Variants in TMEM132D observed in about 807,000 individuals in gnomAD.
The protein encoded by TMEM132D is mature OL transmembrane protein.
TMEM132D carries 21 observed loss-of-function variants against 62.3 expected under a neutral mutation model. That is an observed-to-expected ratio of 0.34 (90% confidence interval 0.24 to 0.49). The LOEUF (loss-of-function observed/expected upper bound fraction) is 0.49, where lower values mean the gene tolerates loss of function less well. Ranked by LOEUF, TMEM132D falls within the 20% of genes least tolerant of loss-of-function variation. TMEM132D has a pLI of 0.99. For synonymous variants in TMEM132D, 621 were observed against 575.6 expected, an observed-to-expected ratio of 1.08 and a Z score of -1.13; for missense variants, 1,346 against 1,402.8, an observed-to-expected ratio of 0.96 and a Z score of 0.65.
rs1876204855 is a variant in TMEM132D at position 129,531,074 on chromosome 12, G to A, written c.1100C>T (p.Ala367Val). Residue 367 changes from alanine (A) to valine (V), a missense_variant, in exon 3 of 9, where the codon GCT becomes GTT. Physicochemically the swap from Ala to Val is moderately conservative, Grantham distance 64. Coordinates refer to ENST00000422113, the MANE Select transcript of TMEM132D (RefSeq NM_133448.3). ...PAVIVCQKKA[A>V]GSENSADGAS... ...TGGGACTCACCTGTTTTCTGAGCCAGCTGCTTTCTTCTGACAAACGATGAC... is the reference window on the plus strand; with the variant it reads ...TGGGACTCACCTGTTTTCTGAGCCAACTGCTTTCTTCTGACAAACGATGAC... The A allele has an allele frequency of 6.2e-7, 1 of 1,612,738 alleles. No homozygotes were observed. The highest frequency in any genetic ancestry group is 8.5e-7 in the Non-Finnish European group (1 of 1,179,122).
chr12:129,901,284 G>T (rs1875343810), intron 1 of TMEM132D, among the ~76,000 whole-genome samples: 1 of 152,170 alleles, frequency 6.6e-6, no homozygotes, highest in Non-Finnish European at 1.5e-5. Context: ...AGAGGGAGGT[G>T]ATATGAACAC....
At chr12:129,101,719 A>AT (rs1199739281) in intron 5 of TMEM132D, among the ~76,000 whole-genome samples, 1 of 151,950 alleles carries the variant, frequency 6.6e-6, no homozygotes, top group East Asian at 1.9e-4. Flanking sequence ...GCTGTTTTTT[A>AT]TTTTTTCTAC....
intron 3 of TMEM132D, among the ~76,000 whole-genome samples, chr12:129,466,613 C>A (rs563331293): frequency 7.3e-4 from 111 of 152,266 alleles, no homozygotes; most frequent in African/African-American, 2.6e-3. Context: ...TTAGCTCATT[C>A]ACTTAACACA....
chr12:129,887,797 T>C (rs1566020080), intron 1 of TMEM132D, among the ~76,000 whole-genome samples: 1 of 152,218 alleles, frequency 6.6e-6, no homozygotes, highest in Non-Finnish European at 1.5e-5. Flanking sequence ...ATCATTGTCC[T>C]CATTGTCTTA....
At chr12:129,267,382 C>T (rs1392625151) in intron 4 of TMEM132D, among the ~76,000 whole-genome samples, 1 of 151,948 alleles carries the variant, frequency 6.6e-6, no homozygotes, top group East Asian at 1.9e-4. Context: ...CATTCTCACA[C>T]ACCAATAACA....
chr12:129,903,444 G>A lies in TMEM132D; in HGVS notation c.-105C>T. On this transcript the variant is annotated 5_prime_UTR_variant, in exon 1 of 9. Transcript: ENST00000422113. This position sits in a 1 kb window ranked among gnomAD's most constrained non-coding sequence, Gnocchi z 6.2. ...CCGCAGCGGGGCCGGTGGCGAGGGA[G>A]CGCCCGGCTAGGGGCCCGAGCAGCC... 2 of 1,275,194 alleles carry A rather than the reference G, an allele frequency of 1.6e-6. No individual in the cohort carries two copies. The highest frequency in any genetic ancestry group is 2.2e-6 in the Non-Finnish European group (2 of 909,548). The allele number at this position is 1,275,194 out of a possible 1,614,324, so 79.0% of individuals were successfully genotyped here.
rs1302635531 is a variant in TMEM132D at position 129,661,502 on chromosome 12, A to G, written c.968+38308T>C. On this transcript the variant is annotated intron_variant, in intron 2 of 8. Coordinates refer to ENST00000422113, the MANE Select transcript of TMEM132D (RefSeq NM_133448.3). ...CTATTAGTCCCTGCAGCCCCATCAG[A>G]AAGGAAAGTGGACCTCCATGTTATT... 2.6e-5 allele frequency among the ~76,000 whole-genome samples: 4 copies of G among 152,332 alleles called. No individual in the cohort carries two copies. In the East Asian group the frequency reaches 7.7e-4, roughly 29 times the overall value.
At chr12:129,807,569 T>C (rs374624057) in intron 1 of TMEM132D, among the ~76,000 whole-genome samples, 2 of 152,254 alleles carry the variant, frequency 1.3e-5, no homozygotes, top group East Asian at 1.9e-4. Flanking sequence ...AAACTGCTTA[T>C]ATTTGGCACT....
chr12:129,695,451 C>A (rs770703095), intron 2 of TMEM132D, among the ~76,000 whole-genome samples: 1 of 152,212 alleles, frequency 6.6e-6, no homozygotes, highest in Non-Finnish European at 1.5e-5. Flanking sequence ...GTCCGCCTCT[C>A]ACTCTTCTAT....
chr12:129,297,948 GTT>G (rs1444886345), intron 4 of TMEM132D, among the ~76,000 whole-genome samples: 2 of 152,132 alleles, frequency 1.3e-5, no homozygotes, highest in African/African-American at 4.8e-5. Flanking sequence ...GTAATTAAAT[GTT>G]TTTTAGGAAG....
Position 129,084,026 on chromosome 12 carries a change from C to A in TMEM132D, c.1649+471G>T, listed in dbSNP as rs74534218. Among the ~76,000 whole-genome samples the A allele has an allele frequency of 3.6e-3, 547 of 152,268 alleles. 3 individuals carry two copies. The highest frequency in any genetic ancestry group is 0.012 in the African/African-American group (515 of 41,554). Reference sequence around the variant, plus strand: ...AGGTCAGGTTGACCCTGTCAGATGTCCTTCCAGGGAACATCTGCTGCCTCC... The same window carrying A: ...AGGTCAGGTTGACCCTGTCAGATGTACTTCCAGGGAACATCTGCTGCCTCC... On this transcript the variant is annotated intron_variant, in intron 6 of 8. Coordinates refer to ENST00000422113, the MANE Select transcript of TMEM132D (RefSeq NM_133448.3).
chr12:129,589,664 G>A (rs1372098305), intron 2 of TMEM132D, among the ~76,000 whole-genome samples: 2 of 152,124 alleles, frequency 1.3e-5, no homozygotes, highest in Admixed American at 1.3e-4. Flanking sequence ...ATCTCCTTTG[G>A]TTGGCTGCTT....
At chr12:129,796,767 A>C (rs1871574445) in intron 1 of TMEM132D, among the ~76,000 whole-genome samples, 1 of 152,158 alleles carries the variant, frequency 6.6e-6, no homozygotes, top group Admixed American at 6.5e-5. Flanking sequence ...ATTAGGAGAA[A>C]TACCTGATGT....
chr12:129,414,969 G>A (rs1252298932), intron 3 of TMEM132D, among the ~76,000 whole-genome samples: 1 of 152,102 alleles, frequency 6.6e-6, no homozygotes, highest in East Asian at 1.9e-4. Context: ...TGTGCTCTAG[G>A]TTCATCCATG....
intron 5 of TMEM132D, chr12:129,085,854 C>T (rs942681861): frequency 6.6e-6 from 1 of 152,258 alleles, no homozygotes; most frequent in Non-Finnish European, 1.5e-5. Flanking sequence ...GTTCTCTTGT[C>T]TTGTCTCCTA....
intron 4 of TMEM132D, among the ~76,000 whole-genome samples, chr12:129,291,590 C>A (rs148252740): frequency 6.6e-6 from 1 of 152,272 alleles, no homozygotes; most frequent in East Asian, 1.9e-4. Context: ...CGGAAAATGT[C>A]TGTAAAATTT....
intron 1 of TMEM132D, among the ~76,000 whole-genome samples, chr12:129,898,774 C>A (rs1410319047): frequency 1.3e-5 from 2 of 152,234 alleles, no homozygotes; most frequent in Non-Finnish European, 2.9e-5. Flanking sequence ...CCATATCAAC[C>A]TGTGCTTTTC....
At chr12:129,521,185 A>G (rs1298822293) in intron 3 of TMEM132D, 1 of 152,230 alleles carries the variant, frequency 6.6e-6, no homozygotes, top group Non-Finnish European at 1.5e-5. Flanking sequence ...TTCAGGTTAT[A>G]GGAAAGGGGT....
intron 3 of TMEM132D, among the ~76,000 whole-genome samples, chr12:129,347,496 G>A (rs1266966282): frequency 6.6e-6 from 1 of 152,152 alleles, no homozygotes; most frequent in Non-Finnish European, 1.5e-5. Flanking sequence ...TGGGAAAACT[G>A]GCTGGCCATA....
Sources: gnomAD v4.1 joint callset for allele counts (sites outside exome capture counted in the v4.1 genomes callset) on GRCh38, gnomAD v4.1.1 for gene constraint, Gnocchi (gnomAD v3.1) non-coding constraint, MANE v1.5 for transcripts, NCBI Gene and HGNC (gene_info 2026-07-23, HGNC 2026-07-21) for gene names.